Variants in ZEB1 observed in about 807,000 individuals in gnomAD.
The protein encoded by ZEB1 is zinc finger E-box-binding homeobox 1.
A neutral mutation model predicts 84.9 loss-of-function variants in ZEB1; 21 were observed. The ratio of observed to expected loss-of-function variants is 0.25; its 90% CI spans 0.18 to 0.36. ZEB1 has a LOEUF of 0.36. Ranked by LOEUF, ZEB1 falls within the 10% of genes least tolerant of loss-of-function variation. The pLI, the probability that ZEB1 is intolerant of heterozygous loss-of-function variation, is 1.00. For missense variants in ZEB1, 1,104 were observed against 1,330.2 expected (o/e 0.83, Z 2.65); for synonymous variants, 420 against 471.1 (o/e 0.89, Z 1.41).
chr10:31,446,227 A>T (rs1162598639), intron 1 of ZEB1, among the ~76,000 whole-genome samples: 1 of 152,062 alleles, frequency 6.6e-6, no homozygotes, highest in African/African-American at 2.4e-5. Flanking sequence ...GTATTCTCTG[A>T]TGGTAGTTTG....
chr10:31,413,201 A>G lies in ZEB1; in HGVS notation c.59-47836A>G, dbSNP rs551829884. On this transcript the variant is annotated intron_variant, in intron 1 of 8. Transcript: ENST00000424869. ...GTTCACCAGATGCCTAAAACATACA[A>G]CATTAGTATAGACATATAGAAGGAT... Among the ~76,000 whole-genome samples the G allele has an allele frequency of 7.9e-5, 12 of 152,316 alleles. No individual in the cohort carries two copies. The South Asian group carries it at 1.2e-3, about 16-fold the overall frequency.
At chr10:31,477,498 G>GA (rs1314751467) in intron 2 of ZEB1, among the ~76,000 whole-genome samples, 1 of 151,900 alleles carries the variant, frequency 6.6e-6, no homozygotes, top group East Asian at 1.9e-4. Context: ...CACAGAATTA[G>GA]AAAAAACAAT....
At chr10:31,511,327 G>T (rs147913164) in intron 5 of ZEB1, among the ~76,000 whole-genome samples, 1 of 152,036 alleles carries the variant, frequency 6.6e-6, no homozygotes, top group East Asian at 1.9e-4. Context: ...TATAAGCTAC[G>T]TGGTTTTTTT....
intron 1 of ZEB1, among the ~76,000 whole-genome samples, chr10:31,379,530 AAAAT>A (rs1359034019): frequency 6.6e-6 from 1 of 152,014 alleles, no homozygotes; most frequent in Admixed American, 6.6e-5. Context: ...ATTTAATTTT[AAAAT>A]AAATCTTTTA....
chr10:31,440,202 C>T (rs1037035366), intron 1 of ZEB1, among the ~76,000 whole-genome samples: 4 of 152,016 alleles, frequency 2.6e-5, no homozygotes, highest in Admixed American at 2.6e-4. Context: ...ATGGAATTGC[C>T]GTTTACTGAA....
chr10:31,505,949 T>G (rs981160222), intron 4 of ZEB1, among the ~76,000 whole-genome samples: 1 of 152,036 alleles, frequency 6.6e-6, no homozygotes, highest in African/African-American at 2.4e-5. Context: ...TGTTTTGATT[T>G]TCATTTAAAG....
chr10:31,351,286 G>A (rs2041276761), intron 1 of ZEB1, among the ~76,000 whole-genome samples: 2 of 152,106 alleles, frequency 1.3e-5, no homozygotes, highest in Middle Eastern at 3.2e-3. Flanking sequence ...TTTATTTCTG[G>A]ATATAGAATC....
At chr10:31,480,138 T>C (rs1367285392) in intron 2 of ZEB1, among the ~76,000 whole-genome samples, 3 of 152,050 alleles carry the variant, frequency 2.0e-5, no homozygotes, top group Non-Finnish European at 4.4e-5. Flanking sequence ...TTGCAATTGG[T>C]GAGTTTTAAA....
chr10:31,461,375 T>C, intron 2 of ZEB1, 138 bp downstream of exon 2: 1 of 880,150 alleles, frequency 1.1e-6, no homozygotes, highest in East Asian at 2.7e-5. Context: ...GGTGTCCTAC[T>C]TACTAAAAAG....
intron 1 of ZEB1, among the ~76,000 whole-genome samples, chr10:31,334,310 C>T (rs1046215732): frequency 2.6e-5 from 4 of 152,020 alleles, no homozygotes; most frequent in African/African-American, 9.7e-5. Context: ...TCACATTACA[C>T]TTTCTGTTTA....
chr10:31,433,115 C>A (rs78852117), intron 1 of ZEB1, among the ~76,000 whole-genome samples: 4 of 152,282 alleles, frequency 2.6e-5, no homozygotes, highest in African/African-American at 9.6e-5. Flanking sequence ...TTTATAGTTA[C>A]ATTAAAAAAT....
intron 2 of ZEB1, 32 bp from the exon 3 acceptor site, chr10:31,495,744 T>C (rs373839664): frequency 6.2e-7 from 1 of 1,610,512 alleles, no homozygotes; most frequent in South Asian, 1.1e-5. Context: ...AGGAACACTA[T>C]AGATCTATTT....
At chr10:31,325,712 ATTATG>A (rs1215340253) in intron 1 of ZEB1, among the ~76,000 whole-genome samples, 1 of 151,926 alleles carries the variant, frequency 6.6e-6, no homozygotes, top group Non-Finnish European at 1.5e-5. Context: ...AAATTTATAA[ATTATG>A]TTAATTTCTT....
chr10:31,514,223 AT>A (rs2070649177), intron 5 of ZEB1, among the ~76,000 whole-genome samples: 1 of 152,132 alleles, frequency 6.6e-6, no homozygotes, highest in African/African-American at 2.4e-5. Flanking sequence ...TGCGGTTTCT[AT>A]ATCTATAAAT....
chr10:31,435,001 A>G (rs1275894874), intron 1 of ZEB1, among the ~76,000 whole-genome samples: 1 of 152,170 alleles, frequency 6.6e-6, no homozygotes, highest in Non-Finnish European at 1.5e-5. Flanking sequence ...TCCATGTCCT[A>G]ATCCCTAAAA....
intron 1 of ZEB1, among the ~76,000 whole-genome samples, chr10:31,423,823 G>C (rs1194054650): frequency 6.6e-6 from 1 of 151,946 alleles, no homozygotes; most frequent in East Asian, 1.9e-4. Flanking sequence ...TTGTTCTTCA[G>C]GCCTAGTTCT....
At chr10:31,355,698 A>G (rs562270002) in intron 1 of ZEB1, among the ~76,000 whole-genome samples, 1 of 152,306 alleles carries the variant, frequency 6.6e-6, no homozygotes, top group South Asian at 2.1e-4. Flanking sequence ...TGCAGGCAAC[A>G]GAAATAGCAT....
intron 1 of ZEB1, among the ~76,000 whole-genome samples, chr10:31,438,133 T>C (rs922216504): frequency 6.6e-6 from 1 of 152,170 alleles, no homozygotes; most frequent in Non-Finnish European, 1.5e-5. Context: ...AAGCGTGCGC[T>C]CTCCACGAGG....
chr10:31,521,250 G>T lies in ZEB1; in HGVS notation c.1918G>T (p.Val640Leu), dbSNP rs764134185. 2.5e-6 allele frequency: 4 copies of T among 1,613,982 alleles called. No homozygotes were observed. Among genetic ancestry groups the T allele is most frequent in the African/African-American group, 2.7e-5 (2 of 74,928 alleles). The change falls in exon 7 of 9, where the codon GTG (valine) becomes TTG (leucine). Residue 640 changes from valine to leucine, a missense_variant. Val to Leu is a conservative substitution (Grantham distance 32). Transcript: ENST00000424869. ...FEKMQAGQISVQSSEPSSPEP... is the reference protein window; with the variant it reads ...FEKMQAGQISLQSSEPSSPEP... ...AAAGATGCAAGCTGGACAGATTTCA[G>T]TGCAGTCTTCTGAACCATCTTCTCC...
Sources: allele counts gnomAD v4.1 joint callset (sites outside exome capture counted in the v4.1 genomes callset), GRCh38; gene constraint gnomAD v4.1.1; transcripts MANE v1.5; gene names NCBI Gene and HGNC (gene_info 2026-07-23, HGNC 2026-07-21).